CRTAC1: variants seen among roughly 807,000 people sequenced by gnomAD.
CRTAC1 encodes the protein cartilage acidic protein 1, also known as acidic secreted protein in cartilage.
Under a neutral mutation model 67.8 loss-of-function variants are expected in CRTAC1, and 37 were observed. The observed-to-expected ratio is 0.55, with a 90% confidence interval of 0.42 to 0.72. The LOEUF (loss-of-function observed/expected upper bound fraction) is 0.72, where lower values mean the gene tolerates loss of function less well. Ranked by LOEUF, CRTAC1 falls within the 30% of genes least tolerant of loss-of-function variation. The pLI is 0.00. For missense variants in CRTAC1, 780 were observed against 931.6 expected (o/e 0.84, Z 2.12); for synonymous variants, 348 against 371.0 (o/e 0.94, Z 0.71).
At chr10:97,872,904 T>TCCTTATAGAAGA (rs2050108845) in intron 14 of CRTAC1, among the ~76,000 whole-genome samples, 1 of 152,172 alleles carries the variant, frequency 6.6e-6, no homozygotes, top group South Asian at 2.1e-4. Context: ...TTGGGAAGAA[T>TCCTTATAGAAGA]CCTTATAGGT....
intron 2 of CRTAC1, among the ~76,000 whole-genome samples, chr10:97,972,960 G>T (rs2051739080): frequency 6.6e-6 from 1 of 152,074 alleles, no homozygotes; most frequent in Non-Finnish European, 1.5e-5. Context: ...CTGATAAGAA[G>T]CACTGTGTCA....
rs975544046 is a variant in CRTAC1, at chr10:97,878,800, T to TA, written c.1819+1448dup. ...ATACCAGCCCAACTCTCTTGTCATC[T>TA]ACATTAGGGAAACTGAGGCACAGCA... On this transcript the variant is annotated intron_variant, in intron 14 of 14. Transcript: ENST00000370597. The TA allele has an allele frequency of 3.1e-6, 3 of 969,548 alleles. No homozygotes were observed. In the African/African-American group the frequency reaches 5.2e-5, roughly 17 times the overall value. The allele number at this position is 969,548 out of a possible 1,614,324, so 60.1% of individuals were successfully genotyped here. A position where few individuals can be genotyped will look rare whatever the true frequency, so the allele number is the denominator to read the frequency against.
intron 2 of CRTAC1, among the ~76,000 whole-genome samples, chr10:97,976,271 AAAACC>A (rs1339173716): frequency 6.6e-6 from 1 of 152,252 alleles, no homozygotes; most frequent in Non-Finnish European, 1.5e-5. Flanking sequence ...AATAAGAAAG[AAAACC>A]AAATATCTTG....
chr10:97,928,976 C>T (rs4919161), intron 3 of CRTAC1, among the ~76,000 whole-genome samples: 118,545 of 151,622 alleles, frequency 0.78, 48,423 homozygotes, highest in Non-Finnish European at 0.89. Context: ...GTGAATGCGC[C>T]AGCAAAGGAG....
intron 2 of CRTAC1, among the ~76,000 whole-genome samples, chr10:97,997,474 A>T (rs1842605803): frequency 6.8e-6 from 1 of 147,258 alleles, no homozygotes; most frequent in African/African-American, 2.5e-5. Context: ...AAAAAAAAAA[A>T]AGTGTTTTCA....
chr10:97,981,089 T>G lies in CRTAC1; in HGVS notation c.224+30049A>C, dbSNP rs1282159568. ...GAATTTCTGCTAAAATTTTCCCAAT[T>G]AGGTGAAGAGAAACACATAATTGTT... On this transcript the variant is annotated intron_variant, in intron 2 of 14. Transcript: ENST00000370597. Among the ~76,000 whole-genome samples, 5 of 152,134 alleles carry G rather than the reference T, an allele frequency of 3.3e-5. No individual in the cohort carries two copies. In the East Asian group the frequency reaches 9.6e-4, roughly 29 times the overall value.
chr10:97,934,773 T>C (rs1235013566), intron 3 of CRTAC1, among the ~76,000 whole-genome samples: 1 of 152,052 alleles, frequency 6.6e-6, no homozygotes, highest in Admixed American at 6.5e-5. Flanking sequence ...GAGGGCTGCC[T>C]TCTGGAGGAG....
At position 97,895,173 on chromosome 10, in the gene CRTAC1, T is replaced by G; in HGVS notation, c.1486+72A>C. ...AGAGCGGAGCGGTGCCCAAGGATGC[T>G]CGGGCTGTGAGTCCCTGAATCAGTC... On this transcript the variant is annotated intron_variant, in intron 11 of 14. Transcript: ENST00000370597. This position sits in a 1 kb window ranked among gnomAD's most constrained non-coding sequence, Gnocchi z 4.2. 1 of 1,492,080 alleles carries G rather than the reference T, an allele frequency of 6.7e-7. No homozygotes were observed. Among genetic ancestry groups the G allele is most frequent in the South Asian group, 1.2e-5 (1 of 83,152 alleles). The allele number at this position is 1,492,080 out of a possible 1,614,324, so 92.4% of individuals were successfully genotyped here. A position where few individuals can be genotyped will look rare whatever the true frequency, so the allele number is the denominator to read the frequency against.
intron 2 of CRTAC1, among the ~76,000 whole-genome samples, chr10:97,971,134 T>C (rs758835017): frequency 2.0e-5 from 3 of 152,176 alleles, no homozygotes; most frequent in South Asian, 4.1e-4. Flanking sequence ...GCAGTAAAAA[T>C]TTGTAAAATG....
intron 6 of CRTAC1, among the ~76,000 whole-genome samples, chr10:97,905,952 A>C (rs186824465): frequency 6.1e-4 from 93 of 152,246 alleles, no homozygotes; most frequent in South Asian, 2.1e-3. Flanking sequence ...CTTGAGAGAC[A>C]GAGGTGAATG....
At position 98,023,720 on chromosome 10, in the gene CRTAC1, G is replaced by A. The variant is rs376371694; in HGVS notation, c.24+6729C>T. On this transcript the variant is annotated intron_variant, in intron 1 of 14. Coordinates refer to ENST00000370597, the MANE Select transcript of CRTAC1 (RefSeq NM_018058.7). ...GCCACCCAGCTCCTCTGATTACAGG[G>A]ACTGACCTCCAGAGGCTAAGGGACC... Among the ~76,000 whole-genome samples the A allele has an allele frequency of 2.6e-5, 4 of 152,308 alleles. No individual in the cohort carries two copies. In the East Asian group the frequency reaches 5.8e-4, roughly 22 times the overall value.
chr10:97,930,981 G>C (rs2050995642), intron 3 of CRTAC1, among the ~76,000 whole-genome samples: 2 of 151,122 alleles, frequency 1.3e-5, no homozygotes, highest in Non-Finnish European at 2.9e-5. Context: ...TAGACAAAGG[G>C]CTAATTCCCT....
In CRTAC1 at chr10:97,923,378, C is replaced by A. The variant is rs2050868931; in HGVS notation, c.444G>T (p.Lys148Asn). Residue 148 changes from lysine (K) to asparagine (N), a missense_variant, in exon 4 of 15, where the codon AAG (lysine) becomes AAT (asparagine). By Grantham distance (94) the Lys-to-Asn change is moderately conservative (BLOSUM62 0). Transcript: ENST00000370597. The stretch of plus-strand genomic sequence containing the variant: ...ACCGGTTATTGCGGAACTTGAACAA[C>A]TTGTCGGTGTACGTGGCCACCCCTG... ...AFSGVATYTD[K>N]LFKFRNNRWE... The A allele has an allele frequency of 5.0e-6, 8 of 1,614,002 alleles. No individual in the cohort carries two copies. In the East Asian group the frequency reaches 1.6e-4, roughly 31 times the overall value.
chr10:98,002,762 T>TGTTG (rs72075039), intron 2 of CRTAC1, among the ~76,000 whole-genome samples: 1 of 30,392 alleles, frequency 3.3e-5, no homozygotes, highest in Non-Finnish European at 6.1e-5. Context: ...CAAAACTCAC[T>TGTTG]TTTTTTTTTT....
intron 4 of CRTAC1, among the ~76,000 whole-genome samples, chr10:97,918,174 C>T (rs534563847): frequency 4.1e-4 from 63 of 152,262 alleles, no homozygotes; most frequent in Non-Finnish European, 6.0e-4. Flanking sequence ...TTTGGTAGCA[C>T]GAGAGGCACA....
chr10:97,934,014 C>T (rs565967376), intron 3 of CRTAC1, among the ~76,000 whole-genome samples: 14 of 152,126 alleles, frequency 9.2e-5, no homozygotes, highest in Non-Finnish European at 1.3e-4. Flanking sequence ...ACTCTAAGAG[C>T]GTGGGAGGGG....
chr10:97,954,134 C>A (rs1268972923), intron 2 of CRTAC1, among the ~76,000 whole-genome samples: 1 of 152,178 alleles, frequency 6.6e-6, no homozygotes, highest in East Asian at 1.9e-4. Context: ...CTCCTGGTCT[C>A]TCTGTGGCAG....
At chr10:97,884,715 C>T (rs2050257613) in intron 11 of CRTAC1, among the ~76,000 whole-genome samples, 1 of 105,154 alleles carries the variant, frequency 9.5e-6, no homozygotes. Flanking sequence ...TGGTGGCTGC[C>T]ATGTTGGATA....
rs556420943 is a variant in CRTAC1 at position 97,977,338 on chromosome 10, G to A, written c.224+33800C>T. On this transcript the variant is annotated intron_variant, in intron 2 of 14. Transcript: ENST00000370597. Reference sequence around the variant, plus strand: ...GGAGAGCGGCAGCTCCAGGAACACTGTCTGGCACGTGAGCAAGAAAGGAGG... The same window carrying A: ...GGAGAGCGGCAGCTCCAGGAACACTATCTGGCACGTGAGCAAGAAAGGAGG... 1.2e-4 allele frequency among the ~76,000 whole-genome samples: 19 copies of A among 152,328 alleles called. No homozygotes were observed. The South Asian group carries it at 3.9e-3, about 32-fold the overall frequency.
Sources: gnomAD v4.1 joint callset for allele counts (sites outside exome capture counted in the v4.1 genomes callset) on GRCh38, gnomAD v4.1.1 for gene constraint, Gnocchi (gnomAD v3.1) non-coding constraint, MANE v1.5 for transcripts, NCBI Gene and HGNC (gene_info 2026-07-23, HGNC 2026-07-21) for gene names.